ATAD2B: variants seen among roughly 807,000 people sequenced by gnomAD.
ATAD2B encodes the protein ATPase family AAA domain-containing protein 2B.
In ATAD2B, 40 loss-of-function variants were observed where a neutral mutation model predicts 167.6. The ratio of observed to expected loss-of-function variants is 0.24; its 90% CI spans 0.19 to 0.31. ATAD2B has a LOEUF of 0.31. ATAD2B is among the 10% of genes least tolerant of loss of function. The probability of loss-of-function intolerance (pLI) is 1.00; values close to 1 mark genes in which losing one functional copy is unlikely to be tolerated. For synonymous variants in ATAD2B, 579 were observed against 596.5 expected (o/e 0.97, Z 0.43); for missense variants, 1,242 against 1,757.2 (o/e 0.71, Z 5.24).
At chr2:23,824,951 T>G (rs146011918) in intron 15 of ATAD2B, among the ~76,000 whole-genome samples, 347 of 152,184 alleles carry the variant, frequency 2.3e-3, no homozygotes, top group African/African-American at 8.2e-3. Flanking sequence ...TTATTTTTAT[T>G]TTATTTTTGG....
intron 2 of ATAD2B, among the ~76,000 whole-genome samples, chr2:23,888,873 A>G (rs1699065033): frequency 1.3e-5 from 2 of 152,214 alleles, no homozygotes; most frequent in Admixed American, 6.5e-5. Flanking sequence ...CTGACAAATC[A>G]AACAGCTGAT....
chr2:23,707,409 TGA>T, the ATAD2B span: 10 of 152,346 alleles, frequency 6.6e-5, no homozygotes, highest in Admixed American at 3.3e-4. Flanking sequence ...TTTTAAGTAC[TGA>T]GAGGAGGAGC....
chr2:23,696,127 C>G, the ATAD2B span: 10 of 1,551,172 alleles, frequency 6.4e-6, no homozygotes, highest in Non-Finnish European at 8.7e-6. This position sits in a 1 kb window ranked among gnomAD's most constrained non-coding sequence, Gnocchi z 5.5. Context: ...CAACATCTAC[C>G]TCTCAGGTGA....
chr2:23,857,053 T>TA (rs112016144), intron 13 of ATAD2B, among the ~76,000 whole-genome samples: 188 of 141,870 alleles, frequency 1.3e-3, no homozygotes, highest in African/African-American at 2.1e-3. Flanking sequence ...TAAAATAAAT[T>TA]AAAAAAAAAA....
At chr2:23,775,703 C>A (rs1224191453) in intron 22 of ATAD2B, among the ~76,000 whole-genome samples, 1 of 152,216 alleles carries the variant, frequency 6.6e-6, no homozygotes, top group Non-Finnish European at 1.5e-5. Flanking sequence ...TGGGCAAGAA[C>A]TGGGACCCAT....
chr2:23,852,089 C>G (rs1451531718), intron 13 of ATAD2B, among the ~76,000 whole-genome samples: 1 of 152,130 alleles, frequency 6.6e-6, no homozygotes, highest in African/African-American at 2.4e-5. Flanking sequence ...ACCAAACTAA[C>G]AAAACTGACC....
At chr2:23,900,041 C>G (rs1700628805) in intron 1 of ATAD2B, among the ~76,000 whole-genome samples, 1 of 150,460 alleles carries the variant, frequency 6.6e-6, no homozygotes, top group Non-Finnish European at 1.5e-5. Context: ...CCTCAGCCTC[C>G]CAAGTAGCTG....
chr2:23,807,828 A>AATATATAT (rs1382797971), intron 18 of ATAD2B, among the ~76,000 whole-genome samples: 1 of 119,042 alleles, frequency 8.4e-6, no homozygotes, highest in African/African-American at 3.4e-5. Context: ...AAAAAAAAAA[A>AATATATAT]ATATATATAT....
At chr2:23,681,458 A>C in the ATAD2B span, among the ~76,000 whole-genome samples, 3 of 152,100 alleles carry the variant, frequency 2.0e-5, no homozygotes, top group Non-Finnish European at 4.4e-5. This position sits in a 1 kb window ranked among gnomAD's most constrained non-coding sequence, Gnocchi z 4.2. Flanking sequence ...CGGGACCTCG[A>C]TTTGAAAGGA....
At chr2:23,822,398 A>C (rs774332342) in intron 16 of ATAD2B, among the ~76,000 whole-genome samples, 21 of 152,038 alleles carry the variant, frequency 1.4e-4, no homozygotes, top group Non-Finnish European at 2.8e-4. Flanking sequence ...TACAAAAATT[A>C]GCTGGGCGTG....
At chr2:23,820,805 G>A (rs1022398778) in intron 16 of ATAD2B, among the ~76,000 whole-genome samples, 3 of 152,040 alleles carry the variant, frequency 2.0e-5, no homozygotes, top group Non-Finnish European at 2.9e-5. Flanking sequence ...AAAATTAGCC[G>A]GGCGTGGTGG....
At chr2:23,788,714 A>G in intron 19 of ATAD2B, 67 bp from the exon 20 acceptor site, 11 of 1,273,938 alleles carry the variant, frequency 8.6e-6, no homozygotes, top group Non-Finnish European at 1.1e-5. Context: ...TATCATACCA[A>G]ATTGCAATGT....
intron 1 of ATAD2B, among the ~76,000 whole-genome samples, chr2:23,905,698 G>C (rs2150466749): frequency 6.6e-6 from 1 of 152,288 alleles, no homozygotes; most frequent in South Asian, 2.1e-4. Flanking sequence ...CCTCACAGTA[G>C]ATACAATCTC....
intron 13 of ATAD2B, among the ~76,000 whole-genome samples, chr2:23,853,687 G>T (rs767286535): frequency 5.3e-5 from 8 of 152,094 alleles, no homozygotes; most frequent in Non-Finnish European, 1.0e-4. Context: ...CTTTTCTAAA[G>T]AAACTGACAA....
At chr2:23,693,301 G>A in the ATAD2B span, 15 of 1,546,110 alleles carry the variant, frequency 9.7e-6, no homozygotes, top group African/African-American at 4.1e-5. Context: ...CTGCCTGGGC[G>A]TGCTGGCCAT....
chr2:23,810,069 A>G (rs1350611002), intron 18 of ATAD2B, among the ~76,000 whole-genome samples: 2 of 152,226 alleles, frequency 1.3e-5, no homozygotes, highest in African/African-American at 4.8e-5. Flanking sequence ...TCTACAATGC[A>G]TAATGACACA....
rs1179764733 is a variant in ATAD2B at position 23,836,687 on chromosome 2, A to G, written c.1569-2609T>C. 6.6e-5 allele frequency among the ~76,000 whole-genome samples: 10 copies of G among 152,228 alleles called. No homozygotes were observed. In the East Asian group the frequency reaches 1.9e-3, roughly 29 times the overall value. On this transcript the variant is annotated intron_variant, in intron 13 of 27. Transcript: ENST00000238789. Reference sequence around the variant, plus strand: ...TCATGTTGAGTGTTGTTCAGCTCTCAGCAGAGAGGAGGTCCTGGAGTGGGT... The same window carrying G: ...TCATGTTGAGTGTTGTTCAGCTCTCGGCAGAGAGGAGGTCCTGGAGTGGGT...
At chr2:23,746,905 A>T (rs542188301), downstream of ATAD2B, among the ~76,000 whole-genome samples, 2 of 152,196 alleles carry the variant, frequency 1.3e-5, no homozygotes, top group East Asian at 3.8e-4. Flanking sequence ...ACTCTGATCA[A>T]CCATGACAGA....
At chr2:23,920,067 C>T (rs1558805800) in intron 1 of ATAD2B, among the ~76,000 whole-genome samples, 1 of 151,506 alleles carries the variant, frequency 6.6e-6, no homozygotes, top group South Asian at 2.1e-4. Flanking sequence ...AGGAGAATCT[C>T]TGGAACCCGC....
Sources: gnomAD v4.1 joint callset for allele counts (sites outside exome capture counted in the v4.1 genomes callset) on GRCh38, gnomAD v4.1.1 for gene constraint, Gnocchi (gnomAD v3.1) non-coding constraint, MANE v1.5 for transcripts, NCBI Gene and HGNC (gene_info 2026-07-23, HGNC 2026-07-21) for gene names.